Variants in MAPK4 observed in about 807,000 individuals in gnomAD.
MAPK4 encodes the protein Erk3-related.
In MAPK4, 22 loss-of-function variants were observed where a neutral mutation model predicts 47.7. The ratio of observed to expected loss-of-function variants is 0.46; its 90% CI spans 0.33 to 0.66. MAPK4 has a LOEUF of 0.66. MAPK4 is among the 30% of genes least tolerant of loss of function. The pLI, the probability that MAPK4 is intolerant of heterozygous loss-of-function variation, is 0.02. For missense variants in MAPK4, 736 were observed against 831.7 expected (o/e 0.88, Z 1.42); for synonymous variants, 390 against 365.7 (o/e 1.07, Z -0.76).
intron 2 of MAPK4, among the ~76,000 whole-genome samples, chr18:50,692,106 G>A (rs913472879): frequency 1.3e-5 from 2 of 152,230 alleles, no homozygotes; most frequent in African/African-American, 4.8e-5. Context: ...TATGAAAGGG[G>A]AGGTTGAATC....
intron 3 of MAPK4, among the ~76,000 whole-genome samples, chr18:50,721,133 G>C (rs535218171): frequency 1.3e-5 from 2 of 152,338 alleles, no homozygotes; most frequent in Admixed American, 1.3e-4. Flanking sequence ...GAGAAGGACA[G>C]CAAGGAGACC....
At chr18:50,658,531 T>C (rs1174637029) in intron 1 of MAPK4, among the ~76,000 whole-genome samples, 1 of 152,230 alleles carries the variant, frequency 6.6e-6, no homozygotes, top group Non-Finnish European at 1.5e-5. Context: ...GGTGAAGCCG[T>C]TGGCCTCTGG....
chr18:50,725,217 T>C (rs1215910916), intron 4 of MAPK4, among the ~76,000 whole-genome samples: 1 of 152,226 alleles, frequency 6.6e-6, no homozygotes, highest in Non-Finnish European at 1.5e-5. Context: ...TCAGCCTGGT[T>C]GTTCAGTATC....
chr18:50,606,488 C>T (rs539806043), intron 1 of MAPK4, among the ~76,000 whole-genome samples: 1 of 152,320 alleles, frequency 6.6e-6, no homozygotes, highest in East Asian at 1.9e-4. Flanking sequence ...GCTGCCCTAT[C>T]TATTGGTAGC....
intron 2 of MAPK4, among the ~76,000 whole-genome samples, chr18:50,672,661 A>G (rs1157205396): frequency 1.3e-5 from 2 of 152,112 alleles, no homozygotes; most frequent in African/African-American, 2.4e-5. Context: ...TTGGGGTGAT[A>G]TTATAAATCT....
In MAPK4 at chr18:50,715,125, G is replaced by T; in HGVS notation, c.593G>T (p.Arg198Leu). 6.2e-7 allele frequency: 1 copy of T among 1,614,122 alleles called. No homozygotes were observed. The highest frequency in any genetic ancestry group is 8.5e-7 in the Non-Finnish European group (1 of 1,180,016). ...GLVTKWYRSPRLLLSPNNYTK... is the reference protein window; with the variant it reads ...GLVTKWYRSPLLLLSPNNYTK... ...GTAACAAAGTGGTACCGTTCCCCAC[G>T]ACTGCTCCTTTCCCCCAATAACTAC... The change falls in exon 3 of 6, where the codon CGA becomes CTA. Residue 198 changes from arginine (R) to leucine (L), a missense_variant. By Grantham distance (102) the Arg-to-Leu change is moderately radical. Around this residue, in one of 3 missense-constraint regions of MAPK4, gnomAD observed 327 missense variants for 395.4 expected, o/e 0.83. Transcript: ENST00000400384.
At chr18:50,617,449 T>C (rs949866546) in intron 1 of MAPK4, among the ~76,000 whole-genome samples, 1 of 152,198 alleles carries the variant, frequency 6.6e-6, no homozygotes, top group Admixed American at 6.5e-5. Flanking sequence ...TTATGTTTTG[T>C]CAAACATGAC....
intron 1 of MAPK4, among the ~76,000 whole-genome samples, chr18:50,574,239 A>G (rs1049922103): frequency 1.3e-5 from 2 of 152,192 alleles, no homozygotes; most frequent in Non-Finnish European, 2.9e-5. Flanking sequence ...TGTGTCTAGT[A>G]CATTATGGCA....
At chr18:50,635,527 C>T (rs2042877743) in intron 1 of MAPK4, among the ~76,000 whole-genome samples, 1 of 152,204 alleles carries the variant, frequency 6.6e-6, no homozygotes, top group African/African-American at 2.4e-5. Context: ...GTAGTCCAAC[C>T]AATCCATTCT....
At chr18:50,628,205 T>C (rs1197769316) in intron 1 of MAPK4, among the ~76,000 whole-genome samples, 1 of 152,198 alleles carries the variant, frequency 6.6e-6, no homozygotes, top group Admixed American at 6.5e-5. Context: ...TGCGAATTAA[T>C]AAAACAGCCT....
intron 1 of MAPK4, among the ~76,000 whole-genome samples, chr18:50,571,737 C>T (rs147714688): frequency 1.8e-3 from 272 of 152,244 alleles, no homozygotes; most frequent in Non-Finnish European, 2.5e-3. Flanking sequence ...ATCTTGTCTG[C>T]TAATAAGAGA....
At chr18:50,572,254 C>T (rs17741814) in intron 1 of MAPK4, among the ~76,000 whole-genome samples, 4 of 151,940 alleles carry the variant, frequency 2.6e-5, no homozygotes, top group South Asian at 2.1e-4. Flanking sequence ...AGAGTAGGAG[C>T]GAGAGTTTTT....
intron 1 of MAPK4, among the ~76,000 whole-genome samples, chr18:50,621,302 C>G (rs996438326): frequency 6.6e-6 from 1 of 152,148 alleles, no homozygotes; most frequent in Non-Finnish European, 1.5e-5. Flanking sequence ...GAGAACTACA[C>G]AGGAAACAAC....
chr18:50,704,490 A>T (rs1909948090), intron 2 of MAPK4: 3 of 398,404 alleles, frequency 7.5e-6, no homozygotes, highest in Non-Finnish European at 8.8e-6. Context: ...CCAAAAAAAA[A>T]GCAAGACAAT....
intron 1 of MAPK4, among the ~76,000 whole-genome samples, chr18:50,647,335 C>T (rs1173923835): frequency 6.6e-6 from 1 of 152,148 alleles, no homozygotes; most frequent in Non-Finnish European, 1.5e-5. Flanking sequence ...TGTGGTGTGG[C>T]TGCTCCTGAG....
chr18:50,660,096 AC>A (rs1474157867), intron 1 of MAPK4, among the ~76,000 whole-genome samples: 2 of 152,218 alleles, frequency 1.3e-5, no homozygotes, highest in Non-Finnish European at 1.5e-5. Context: ...TAATCAGCCC[AC>A]CTAGGGAGAA....
At chr18:50,693,309 G>A (rs1314259270) in intron 2 of MAPK4, among the ~76,000 whole-genome samples, 1 of 152,122 alleles carries the variant, frequency 6.6e-6, no homozygotes, top group Non-Finnish European at 1.5e-5. Context: ...TATTTTACCT[G>A]TGCCTGTGTG....
intron 2 of MAPK4, among the ~76,000 whole-genome samples, chr18:50,668,390 C>T (rs994239583): frequency 2.6e-5 from 4 of 152,308 alleles, no homozygotes; most frequent in South Asian, 2.1e-4. Context: ...ACACTGGGCA[C>T]GTGCCCATTA....
Position 50,729,662 on chromosome 18 carries a change from C to A in MAPK4, c.1572C>A (p.Gly524=), listed in dbSNP as rs1174616069. The change falls in exon 6 of 6, where the codon GGC becomes GGA. Residue 524 remains glycine, a synonymous_variant. Transcript: ENST00000400384. ...PERRLSASPP[G]RPAPVDGGAS... ...GCCGCTTGTCTGCCTCGCCCCCCGG[C>A]CGCCCGGCCCCGGTGGACGGCGGCG... is the stretch of plus-strand genomic sequence containing the variant. 3.3e-6 allele frequency: 5 copies of A among 1,523,192 alleles called. No individual in the cohort carries two copies. The highest frequency in any genetic ancestry group is 3.5e-6 in the Non-Finnish European group (4 of 1,133,240). 94.4% of individuals were successfully genotyped at this position (1,523,192 alleles called of 1,614,324 possible).
Sources: gnomAD v4.1 joint callset for allele counts (sites outside exome capture counted in the v4.1 genomes callset) on GRCh38, gnomAD v4.1.1 for gene constraint, gnomAD v4.1.1 regional missense constraint, MANE v1.5 for transcripts, NCBI Gene and HGNC (gene_info 2026-07-23, HGNC 2026-07-21) for gene names.